RUNDC3B: variants seen among roughly 807,000 people sequenced by gnomAD.
RUNDC3B encodes RUN domain-containing protein 3B.
Under a neutral mutation model 58.4 loss-of-function variants are expected in RUNDC3B, and 33 were observed. The observed-to-expected ratio is 0.56, with a 90% CI of 0.43 to 0.75. RUNDC3B has a LOEUF of 0.75. Ranked by LOEUF, RUNDC3B falls within the 30% of genes least tolerant of loss-of-function variation. RUNDC3B has a pLI of 0.00. For missense variants in RUNDC3B, 501 were observed against 535.7 expected (o/e 0.94, Z 0.64); for synonymous variants, 193 against 195.2 (o/e 0.99, Z 0.10).
intron 6 of RUNDC3B, 38 bp downstream of exon 6, chr7:87,741,617 T>C (rs779691365): frequency 1.7e-6 from 2 of 1,193,598 alleles, no homozygotes; most frequent in Non-Finnish European, 2.4e-6. Flanking sequence ...TAAAATCTTA[T>C]TTAAAATTGA....
chr7:87,682,231 T>C (rs1826996029), intron 2 of RUNDC3B, among the ~76,000 whole-genome samples: 1 of 152,234 alleles, frequency 6.6e-6, no homozygotes, highest in Admixed American at 6.5e-5. Context: ...CAATGACTCC[T>C]TCCACCAAAG....
chr7:87,827,982 CAA>C (rs1377101403), intron 10 of RUNDC3B, among the ~76,000 whole-genome samples: 2 of 151,872 alleles, frequency 1.3e-5, no homozygotes, highest in Admixed American at 6.6e-5. Flanking sequence ...GACCCTATCT[CAA>C]GAGAAAAAAG....
intron 3 of RUNDC3B, among the ~76,000 whole-genome samples, chr7:87,704,200 C>T (rs1391901607): frequency 1.3e-5 from 2 of 152,046 alleles, no homozygotes; most frequent in East Asian, 3.8e-4. Flanking sequence ...GGATTATAGG[C>T]ATGAGCCACA....
At chr7:87,769,355 CT>C (rs1430036240) in intron 6 of RUNDC3B, among the ~76,000 whole-genome samples, 2 of 152,134 alleles carry the variant, frequency 1.3e-5, no homozygotes, top group Non-Finnish European at 2.9e-5. Context: ...TGGGGTTTGG[CT>C]ATTGAGTTTA....
At chr7:87,818,281 G>A (rs1056559583) in intron 10 of RUNDC3B, among the ~76,000 whole-genome samples, 18 of 152,008 alleles carry the variant, frequency 1.2e-4, no homozygotes, top group Admixed American at 1.3e-4. Flanking sequence ...ATAATTCAAG[G>A]TTTAATAGCA....
intron 4 of RUNDC3B, among the ~76,000 whole-genome samples, chr7:87,739,088 A>C (rs969310149): frequency 7.2e-5 from 11 of 152,096 alleles, no homozygotes; most frequent in African/African-American, 2.6e-4. Context: ...TTTTTGGAAA[A>C]ATACCTTAGG....
Position 87,628,728 on chromosome 7 carries a change from C to T in RUNDC3B, c.-96C>T, listed in dbSNP as rs1366704842. 18 of 725,032 alleles carry T rather than the reference C, an allele frequency of 2.5e-5. No individual in the cohort carries two copies. The highest frequency in any genetic ancestry group is 3.3e-5 in the Non-Finnish European group (17 of 517,674). 44.9% of individuals were successfully genotyped at this position (725,032 alleles called of 1,614,324 possible). ...GCTCCTTTCCTACATCCTTCCCGCG[C>T]CCCCACGGTTGCGGACCGAGCGAGA... is the stretch of plus-strand genomic sequence containing the variant. On this transcript the variant is annotated 5_prime_UTR_variant, in exon 1 of 11. Coordinates refer to ENST00000394654, the MANE Select transcript of RUNDC3B (RefSeq NM_001134405.2).
chr7:87,767,730 C>A (rs78521968), intron 6 of RUNDC3B, among the ~76,000 whole-genome samples: 2 of 152,022 alleles, frequency 1.3e-5, no homozygotes, highest in Non-Finnish European at 2.9e-5. Flanking sequence ...CAACATATGG[C>A]GGGGGTAGTT....
chr7:87,697,647 A>T (rs1437416581), intron 2 of RUNDC3B, among the ~76,000 whole-genome samples: 1 of 152,218 alleles, frequency 6.6e-6, no homozygotes, highest in African/African-American at 2.4e-5. Context: ...TTGTATGATT[A>T]CAGTAATAAC....
chr7:87,744,289 A>T (rs1563179538), intron 6 of RUNDC3B, among the ~76,000 whole-genome samples: 1 of 152,134 alleles, frequency 6.6e-6, no homozygotes, highest in Non-Finnish European at 1.5e-5. Flanking sequence ...TACTTTGGCT[A>T]TGTGGGTTCT....
chr7:87,818,520 A>T (rs1837205353), intron 10 of RUNDC3B, among the ~76,000 whole-genome samples: 1 of 152,342 alleles, frequency 6.6e-6, no homozygotes, highest in East Asian at 1.9e-4. Context: ...CAGTTGAGAC[A>T]ATGGAGTGAT....
chr7:87,794,431 C>G (rs1835698123), intron 8 of RUNDC3B, among the ~76,000 whole-genome samples: 1 of 151,846 alleles, frequency 6.6e-6, no homozygotes, highest in Non-Finnish European at 1.5e-5. Flanking sequence ...CAGACTCTGT[C>G]TAAAAAACAA....
Position 87,705,255 on chromosome 7 carries a change from T to C in RUNDC3B, c.372+4701T>C, listed in dbSNP as rs573393978. ...GCCTGGCTAACATGGCAAAACCCTG[T>C]CTCTACTTAAAATATGAAAAATTAG... On this transcript the variant is annotated intron_variant, in intron 3 of 10. Coordinates refer to ENST00000394654, the MANE Select transcript of RUNDC3B (RefSeq NM_001134405.2). 7.9e-4 allele frequency among the ~76,000 whole-genome samples: 120 copies of C among 152,226 alleles called. 2 individuals carry two copies. The highest frequency in any genetic ancestry group is 2.8e-3 in the African/African-American group (118 of 41,512).
rs147114349 is a variant in RUNDC3B at position 87,770,662 on chromosome 7, C to T, written c.711C>T (p.Val237=). 96 of 1,612,960 alleles carry T rather than the reference C, an allele frequency of 6.0e-5. 1 individual carries two copies. The Admixed American group carries it at 6.7e-4, about 11-fold the overall frequency. Residue 237 remains valine, a synonymous_variant, in exon 7 of 11, where the codon GTC becomes GTT. Transcript: ENST00000394654. The part of the protein sequence containing the change: ...SGSESSTPEN[V]GPPFLMDENS... ...GCGAAAGCAGTACTCCAGAGAATGTCGGACCTCCTTTCCTCATGGATGAGA... is the reference window on the plus strand; with the variant it reads ...GCGAAAGCAGTACTCCAGAGAATGTTGGACCTCCTTTCCTCATGGATGAGA...
At chr7:87,654,529 T>G (rs1452467169) in intron 2 of RUNDC3B, among the ~76,000 whole-genome samples, 1 of 152,060 alleles carries the variant, frequency 6.6e-6, no homozygotes, top group Non-Finnish European at 1.5e-5. Flanking sequence ...GTTAGCCACA[T>G]GTAGAAGAAT....
At chr7:87,744,097 G>C (rs1212014037) in intron 6 of RUNDC3B, among the ~76,000 whole-genome samples, 1 of 152,044 alleles carries the variant, frequency 6.6e-6, no homozygotes, top group Non-Finnish European at 1.5e-5. Context: ...ATTTCTGTTT[G>C]CTTTGTCGTA....
intron 2 of RUNDC3B, among the ~76,000 whole-genome samples, chr7:87,685,884 G>A (rs537449781): frequency 9.9e-5 from 15 of 152,172 alleles, no homozygotes; most frequent in Non-Finnish European, 1.6e-4. Flanking sequence ...TCCCACTTTC[G>A]ATTATAATAT....
intron 6 of RUNDC3B, among the ~76,000 whole-genome samples, chr7:87,769,865 A>G (rs1834179199): frequency 6.6e-6 from 1 of 151,956 alleles, no homozygotes; most frequent in African/African-American, 2.4e-5. Flanking sequence ...ATGAATTAAC[A>G]CCAATATTTT....
chr7:87,672,676 G>A (rs550825237), intron 2 of RUNDC3B, among the ~76,000 whole-genome samples: 1 of 152,292 alleles, frequency 6.6e-6, no homozygotes, highest in East Asian at 1.9e-4. Flanking sequence ...AGCTCTGTCT[G>A]TGAGACCGAA....
Sources: gnomAD v4.1 joint callset for allele counts (sites outside exome capture counted in the v4.1 genomes callset) on GRCh38, gnomAD v4.1.1 for gene constraint, MANE v1.5 for transcripts, NCBI Gene and HGNC (gene_info 2026-07-23, HGNC 2026-07-21) for gene names.